Variants in RBM39 observed in about 807,000 individuals in gnomAD.
RBM39 encodes the protein RNA-binding protein 39.
Under a neutral mutation model 79.6 loss-of-function variants are expected in RBM39, and 12 were observed. The observed-to-expected ratio is 0.15, with a 90% CI of 0.10 to 0.24. The LOEUF (loss-of-function observed/expected upper bound fraction) is 0.24, where lower values mean the gene tolerates loss of function less well. Ranked by LOEUF, RBM39 falls within the 10% of genes least tolerant of loss-of-function variation. The probability of loss-of-function intolerance (pLI) is 1.00; values close to 1 mark genes in which losing one functional copy is unlikely to be tolerated. For synonymous variants in RBM39, 185 were observed against 208.4 expected (o/e 0.89, Z 0.97); for missense variants, 243 against 653.4 (o/e 0.37, Z 6.85).
At chr20:35,739,578 G>A in intron 2 of RBM39, 1 of 468,538 alleles carries the variant, frequency 2.1e-6, no homozygotes. Context: ...CACTGCTTTA[G>A]TAATGTTGAC....
intron 8 of RBM39, 85 bp from the exon 9 acceptor site, chr20:35,721,962 A>T: frequency 6.8e-7 from 1 of 1,472,332 alleles, no homozygotes; most frequent in East Asian, 2.3e-5. Flanking sequence ...AACTAATGTT[A>T]AAGTTTAGAG....
At chr20:35,708,685 A>G (rs2036046550) in intron 13 of RBM39, 1 of 152,454 alleles carries the variant, frequency 6.6e-6, no homozygotes, top group Admixed American at 6.5e-5. Flanking sequence ...ACTAAAAACA[A>G]GAAATCATAG....
At chr20:35,733,832 A>T (rs991155727) in intron 3 of RBM39, among the ~76,000 whole-genome samples, 1 of 152,110 alleles carries the variant, frequency 6.6e-6, no homozygotes, top group Non-Finnish European at 1.5e-5. Context: ...AAAACCAAAA[A>T]AGCCAAACAT....
intron 2 of RBM39, chr20:35,740,103 C>T (rs1430489251): frequency 6.4e-6 from 1 of 156,304 alleles, no homozygotes; most frequent in African/African-American, 2.4e-5. Context: ...AAAATAAAAA[C>T]AATATGGAGA....
intron 2 of RBM39, chr20:35,739,572 G>A: frequency 2.1e-6 from 1 of 469,022 alleles, no homozygotes. Flanking sequence ...GATTCACACT[G>A]CTTTAGTAAT....
intron 14 of RBM39, among the ~76,000 whole-genome samples, chr20:35,706,610 G>A (rs766487584): frequency 3.9e-5 from 6 of 152,062 alleles, no homozygotes; most frequent in Non-Finnish European, 5.9e-5. Flanking sequence ...CACTAGCTAG[G>A]CATAGTTACT....
At chr20:35,725,362 CACA>C (rs1238682652) in intron 6 of RBM39, among the ~76,000 whole-genome samples, 12 of 152,224 alleles carry the variant, frequency 7.9e-5, no homozygotes, top group Admixed American at 4.6e-4. Context: ...TTCCCAACTC[CACA>C]ACAATATTTC....
Position 35,732,119 on chromosome 20 carries a change from T to C in RBM39, c.118A>G (p.Ser40Gly). The C allele has an allele frequency of 6.2e-7, 1 of 1,614,158 alleles. No homozygotes were observed. The highest frequency in any genetic ancestry group is 8.5e-7 in the Non-Finnish European group (1 of 1,180,036). ...ERSKKRKKSK[S>G]RSRSHERKRS... is the part of the protein sequence containing the mutation. ...TTTCGTTCATGACTACGACTTCTGC[T>C]CTTGCTTTTTTTCCTCCTGAGAAGA... Residue 40 changes from serine to glycine, a missense_variant, in exon 4 of 17, where the codon AGC (serine) becomes GGC (glycine). Ser to Gly is a moderately conservative substitution (Grantham distance 56). Transcript: ENST00000253363.
At chr20:35,724,973 T>G (rs2038479773) in intron 7 of RBM39, 65 bp downstream of exon 7, 2 of 1,183,640 alleles carry the variant, frequency 1.7e-6, no homozygotes, top group Admixed American at 4.1e-5. Flanking sequence ...ATGAAGTATT[T>G]GATGTTTACA....
At chr20:35,712,435 C>CAAAAAAAAAA (rs765974114) in intron 12 of RBM39, among the ~76,000 whole-genome samples, 1 of 32,822 alleles carries the variant, frequency 3.0e-5, no homozygotes, top group Non-Finnish European at 5.9e-5. Context: ...TACTGTTATC[C>CAAAAAAAAAA]AAAAAAAAAA....
chr20:35,713,230 C>G (rs2036661091), intron 11 of RBM39, 134 bp from the exon 12 acceptor site: 2 of 674,932 alleles, frequency 3.0e-6, no homozygotes, highest in African/African-American at 3.6e-5. Context: ...ACGCCTGTAA[C>G]TTAGCTAGCA....
At chr20:35,714,540 A>C (rs958470679) in intron 10 of RBM39, 151 bp from the exon 11 acceptor site, 13 of 1,159,250 alleles carry the variant, frequency 1.1e-5, no homozygotes, top group Non-Finnish European at 1.5e-5. Flanking sequence ...CAAACACAAC[A>C]TACATGATGA....
chr20:35,740,261 G>A (rs972007501), intron 2 of RBM39: 1 of 175,276 alleles, frequency 5.7e-6, no homozygotes, highest in Admixed American at 6.0e-5. Context: ...CTGAGCAGCA[G>A]ATTGCCACTG....
chr20:35,738,617 T>C (rs2040224021), intron 3 of RBM39, among the ~76,000 whole-genome samples: 1 of 152,252 alleles, frequency 6.6e-6, no homozygotes, highest in African/African-American at 2.4e-5. Flanking sequence ...TTTAACTCTT[T>C]CTACCTTTTA....
At chr20:35,730,305 T>C (rs1227149711) in intron 4 of RBM39, among the ~76,000 whole-genome samples, 1 of 152,234 alleles carries the variant, frequency 6.6e-6, no homozygotes, top group Non-Finnish European at 1.5e-5. Flanking sequence ...TTAAAGGGAC[T>C]AGCCAGTTGT....
At chr20:35,725,188 A>G (rs762146635) in intron 6 of RBM39, 33 bp from the exon 7 acceptor site, 3 of 1,298,424 alleles carry the variant, frequency 2.3e-6, no homozygotes, top group East Asian at 4.8e-5. Context: ...AATTAATTTC[A>G]TAACAGATTT....
At chr20:35,720,341 G>T (rs2037744287) in intron 9 of RBM39, among the ~76,000 whole-genome samples, 1 of 152,144 alleles carries the variant, frequency 6.6e-6, no homozygotes, top group South Asian at 2.1e-4. Flanking sequence ...AGGCCTCGTG[G>T]CGCCTGTGAA....
intron 3 of RBM39, chr20:35,736,685 T>C: frequency 2.3e-6 from 1 of 436,326 alleles, no homozygotes; most frequent in Non-Finnish European, 4.7e-6. Context: ...GGAGTCTCGC[T>C]CTGTCTCCAG....
chr20:35,704,248 A>T lies in RBM39; in HGVS notation c.*233T>A. The T allele has an allele frequency of 2.9e-6, 1 of 339,480 alleles. No homozygotes were observed. The highest frequency in any genetic ancestry group is 5.4e-6 in the Non-Finnish European group (1 of 183,860). 21.0% of individuals were successfully genotyped at this position (339,480 alleles called of 1,614,324 possible). On this transcript the variant is annotated 3_prime_UTR_variant, in exon 17 of 17. Coordinates refer to ENST00000253363, the MANE Select transcript of RBM39 (RefSeq NM_184234.3). ...CTATAGTTCATTAATTTTCTACATGAACATTTTAAAAGGCAGAACAAGAGA... is the reference window on the plus strand; with the variant it reads ...CTATAGTTCATTAATTTTCTACATGTACATTTTAAAAGGCAGAACAAGAGA...
Sources: gnomAD v4.1 joint callset for allele counts (sites outside exome capture counted in the v4.1 genomes callset) on GRCh38, gnomAD v4.1.1 for gene constraint, MANE v1.5 for transcripts, NCBI Gene and HGNC (gene_info 2026-07-23, HGNC 2026-07-21) for gene names.